SDK1: variants seen among roughly 807,000 people sequenced by gnomAD.
SDK1 encodes the protein sidekick cell adhesion molecule 1.
Under a neutral mutation model 245.5 loss-of-function variants are expected in SDK1, and 157 were observed. The observed-to-expected ratio is 0.64, with a 90% CI of 0.56 to 0.73. SDK1 has a LOEUF of 0.73. SDK1 is among the 30% of genes least tolerant of loss of function. The pLI, the probability that SDK1 is intolerant of heterozygous loss-of-function variation, is 0.00. For synonymous variants in SDK1, 1,647 were observed against 1,278.5 expected, an observed-to-expected ratio of 1.29 and a Z score of -6.15; for missense variants, 3,583 against 3,002.3, an observed-to-expected ratio of 1.19 and a Z score of -4.52.
At chr7:3,436,770 G>A (rs779299933) in intron 1 of SDK1, among the ~76,000 whole-genome samples, 16 of 152,082 alleles carry the variant, frequency 1.1e-4, no homozygotes, top group Non-Finnish European at 1.6e-4. Context: ...TGTCCTCACT[G>A]TCTTCCCCTT....
rs552632724 is a variant in SDK1, at chr7:4,202,612, CG to C, written c.5099-3265del. Among the ~76,000 whole-genome samples the C allele has an allele frequency of 7.5e-4, 114 of 152,334 alleles. 3 individuals are homozygous for C. The South Asian group carries it at 0.022, about 29-fold the overall frequency. On this transcript the variant is annotated intron_variant, in intron 35 of 44. Coordinates refer to ENST00000404826, the MANE Select transcript of SDK1 (RefSeq NM_152744.4). Reference sequence around the variant, plus strand: ...ATCAAATGGATGACCTTCCGCCTGGCGGACGGTGAATGTTTTGAATGAGTGG... The same window carrying C: ...ATCAAATGGATGACCTTCCGCCTGGCGACGGTGAATGTTTTGAATGAGTGG...
At chr7:4,146,529 C>T (rs1779996613) in intron 29 of SDK1, among the ~76,000 whole-genome samples, 1 of 152,374 alleles carries the variant, frequency 6.6e-6, no homozygotes, top group Non-Finnish European at 1.5e-5. Context: ...CACCTGCTCT[C>T]TTAGATATGT....
chr7:3,753,003 G>A (rs979316782), intron 4 of SDK1, among the ~76,000 whole-genome samples: 5 of 152,138 alleles, frequency 3.3e-5, no homozygotes, highest in African/African-American at 1.2e-4. Flanking sequence ...GAAAGATAAA[G>A]GGTAGCCCAC....
chr7:3,615,791 C>T (rs149462030), intron 1 of SDK1, among the ~76,000 whole-genome samples: 1 of 149,688 alleles, frequency 6.7e-6, no homozygotes, highest in East Asian at 1.9e-4. Context: ...CCCACTATTC[C>T]ACGCCCTCTT....
chr7:3,361,643 G>A (rs893491532), intron 1 of SDK1, among the ~76,000 whole-genome samples: 2 of 152,138 alleles, frequency 1.3e-5, no homozygotes, highest in African/African-American at 4.8e-5. Flanking sequence ...GCAAGGTGTG[G>A]TGCCTGATCA....
intron 17 of SDK1, among the ~76,000 whole-genome samples, chr7:4,037,332 C>T (rs923480441): frequency 6.6e-6 from 1 of 152,044 alleles, no homozygotes; most frequent in African/African-American, 2.4e-5. Context: ...AAAAGAAATT[C>T]TTGGGCTAGG....
chr7:3,691,159 T>A (rs1343848010), intron 4 of SDK1, among the ~76,000 whole-genome samples: 1 of 147,674 alleles, frequency 6.8e-6, no homozygotes, highest in East Asian at 2.0e-4. Context: ...TAGAATCACC[T>A]TTCAACATGA....
At chr7:3,438,181 T>G (rs1780084790) in intron 1 of SDK1, among the ~76,000 whole-genome samples, 1 of 152,214 alleles carries the variant, frequency 6.6e-6, no homozygotes, top group Non-Finnish European at 1.5e-5. Context: ...TCATTTTATT[T>G]TATGTATCAT....
intron 17 of SDK1, among the ~76,000 whole-genome samples, chr7:4,019,263 A>C (rs1376381627): frequency 1.3e-5 from 2 of 152,202 alleles, no homozygotes; most frequent in Non-Finnish European, 2.9e-5. Flanking sequence ...GCTAACTGGA[A>C]TTTAGTTGGT....
At chr7:3,375,793 C>A (rs1488310901) in intron 1 of SDK1, among the ~76,000 whole-genome samples, 2 of 152,170 alleles carry the variant, frequency 1.3e-5, no homozygotes, top group Non-Finnish European at 2.9e-5. Flanking sequence ...TGGGAGGCAT[C>A]TTGCCTGCAA....
At chr7:3,449,416 A>G (rs533795958) in intron 1 of SDK1, among the ~76,000 whole-genome samples, 1 of 151,450 alleles carries the variant, frequency 6.6e-6, no homozygotes, top group South Asian at 2.1e-4. Flanking sequence ...AGCTGCCATT[A>G]TACAAATGAT....
chr7:3,512,497 T>C (rs1366143244), intron 1 of SDK1, among the ~76,000 whole-genome samples: 2 of 152,010 alleles, frequency 1.3e-5, no homozygotes, highest in Non-Finnish European at 2.9e-5. Context: ...GTGTGGATCA[T>C]ATGGTACGGG....
rs28386894 is a variant in SDK1, at chr7:3,693,320, C to G, written c.713+51215C>G. Among the ~76,000 whole-genome samples, 731 of 152,198 alleles carry G rather than the reference C, an allele frequency of 4.8e-3. 5 individuals are homozygous for G. The highest frequency in any genetic ancestry group is 0.017 in the African/African-American group (703 of 41,534). Reference sequence around the variant, plus strand: ...GTAATATTCATTATTCCAAATCCCTCTCGTTATTTGGTTTGTATTGTTTCA... The same window carrying G: ...GTAATATTCATTATTCCAAATCCCTGTCGTTATTTGGTTTGTATTGTTTCA... On this transcript the variant is annotated intron_variant, in intron 4 of 44. Transcript: ENST00000404826.
chr7:4,210,064 C>T lies in SDK1; in HGVS notation c.5441C>T (p.Thr1814Ile). The T allele has an allele frequency of 1.2e-6, 2 of 1,604,664 alleles. No individual in the cohort carries two copies. Among genetic ancestry groups the T allele is most frequent in the Non-Finnish European group, 8.5e-7 (1 of 1,176,772 alleles). The part of the protein sequence containing the change: ...APSFLAFSEI[T>I]STTLNVSWGE... ...AGCTTTCTGGCGTTCTCAGAAATAA[C>T]CTCCACCACGCTCAACGTGTCCTGG... is the stretch of plus-strand genomic sequence containing the variant. Residue 1814 changes from threonine to isoleucine, a missense_variant, in exon 38 of 45, where the codon ACC becomes ATC. Coordinates refer to ENST00000404826, the MANE Select transcript of SDK1 (RefSeq NM_152744.4).
At chr7:3,447,652 T>C (rs1232471713) in intron 1 of SDK1, among the ~76,000 whole-genome samples, 6 of 152,140 alleles carry the variant, frequency 3.9e-5, no homozygotes, top group Non-Finnish European at 8.8e-5. Flanking sequence ...TATTGTTTTT[T>C]GTTTCTGTTA....
intron 40 of SDK1, among the ~76,000 whole-genome samples, chr7:4,230,925 A>G (rs980288504): frequency 2.6e-5 from 4 of 152,148 alleles, no homozygotes; most frequent in African/African-American, 9.7e-5. Context: ...TAGAACAGCA[A>G]TCTCATCTGA....
intron 4 of SDK1, among the ~76,000 whole-genome samples, chr7:3,769,803 C>A (rs73306113): frequency 6.6e-6 from 1 of 151,896 alleles, no homozygotes; most frequent in South Asian, 2.1e-4. Context: ...AGGAAGGTAA[C>A]GTTCTTTGTT....
Position 3,403,842 on chromosome 7 carries a change from TATATATATATATATATATATATATATA to T in SDK1, c.298+101969_298+101995del, listed in dbSNP as rs1395800415. Among the ~76,000 whole-genome samples, 603 of 80,716 alleles carry T rather than the reference TATATATATATATATATATATATATATA, an allele frequency of 7.5e-3. 10 individuals carry two copies. Among genetic ancestry groups the T allele is most frequent in the Non-Finnish European group, 6.6e-3 (313 of 47,410 alleles). The allele number at this position is 80,716 out of a possible 152,430, so 53.0% of individuals were successfully genotyped here. On this transcript the variant is annotated intron_variant, in intron 1 of 44. Transcript: ENST00000404826. ...TATCTTACATATATATATATATATA[TATATATATATATATATATATATATATA>T]ATATATATATTTATTTATATTATAT...
intron 1 of SDK1, among the ~76,000 whole-genome samples, chr7:3,426,401 T>A (rs1007914796): frequency 6.6e-6 from 1 of 152,188 alleles, no homozygotes; most frequent in Non-Finnish European, 1.5e-5. Flanking sequence ...CTGGCCTTGT[T>A]CTAGCAGCAC....
Sources: allele counts gnomAD v4.1 joint callset (sites outside exome capture counted in the v4.1 genomes callset), GRCh38; gene constraint gnomAD v4.1.1; transcripts MANE v1.5; gene names NCBI Gene and HGNC (gene_info 2026-07-23, HGNC 2026-07-21).